Variants in FUCA2 observed in about 807,000 individuals in gnomAD.
FUCA2 encodes plasma alpha-L-fucosidase.
A neutral mutation model predicts 52.6 loss-of-function variants in FUCA2; 41 were observed. The ratio of observed to expected loss-of-function variants is 0.78; its 90% CI spans 0.61 to 1.01. The LOEUF is 1.01. Among genes scored for constraint, FUCA2 ranks in the 50% least tolerant of loss-of-function variants. FUCA2 has a pLI of 0.00. For missense variants in FUCA2, 507 were observed against 569.5 expected (o/e 0.89, Z 1.12); for synonymous variants, 211 against 217.3 (o/e 0.97, Z 0.26).
Position 143,511,460 on chromosome 6 carries a change from T to G in FUCA2, c.175A>C (p.Ile59Leu). 6.2e-7 allele frequency: 1 copy of G among 1,610,862 alleles called. No homozygotes were observed. Among genetic ancestry groups the G allele is most frequent in the Non-Finnish European group, 8.5e-7 (1 of 1,178,578 alleles). Residue 59 changes from isoleucine (I) to leucine (L), a missense_variant, in exon 1 of 7, where the codon ATC (isoleucine) becomes CTC (leucine). By Grantham distance (5) the Ile-to-Leu change is conservative. Coordinates refer to ENST00000002165, the MANE Select transcript of FUCA2 (RefSeq NM_032020.5). This position sits in a 1 kb window ranked among gnomAD's most constrained non-coding sequence, Gnocchi z 6.3. ...WFDQAKFGIF[I>L]HWGVFSVPSF... ...GGCACGGAAAACACTCCCCAGTGGA[T>G]GAAGATGCCGAACTTGGCCTGGTCA...
Position 143,511,287 on chromosome 6 carries a change from TG to T in FUCA2, c.224+123del. ...GAAGTGCGAAACGCGGGTAACGCAG[TG>T]GGAGGTGAAACCGACGAGGGTGCAG... is the stretch of plus-strand genomic sequence containing the variant. On this transcript the variant is annotated intron_variant, in intron 1 of 6. Transcript: ENST00000002165. This position sits in a 1 kb window ranked among gnomAD's most constrained non-coding sequence, Gnocchi z 6.3. 1.3e-6 allele frequency: 1 copy of T among 786,862 alleles called. No individual in the cohort carries two copies. The highest frequency in any genetic ancestry group is 2.0e-6 in the Non-Finnish European group (1 of 512,466). The allele number at this position is 786,862 out of a possible 1,614,324, so 48.7% of individuals were successfully genotyped here.
Position 143,510,375 on chromosome 6 carries a change from T to C in FUCA2, c.224+1036A>G, listed in dbSNP as rs1191706469. On this transcript the variant is annotated intron_variant, in intron 1 of 6. Coordinates refer to ENST00000002165, the MANE Select transcript of FUCA2 (RefSeq NM_032020.5). The surrounding 1 kb of genome is among the most constrained non-coding windows in gnomAD (Gnocchi z 4.4). The stretch of plus-strand genomic sequence containing the variant: ...CTTTTACTTAAGAATATATTATGTG[T>C]CCCAAAGTCCTGGAATTACAGGTAT... 6.6e-6 allele frequency among the ~76,000 whole-genome samples: 1 copy of C among 152,072 alleles called. No individual in the cohort carries two copies. The highest frequency in any genetic ancestry group is 1.9e-4 in the East Asian group (1 of 5,198).
Position 143,504,424 on chromosome 6 carries a change from A to T in FUCA2, c.413-172T>A, listed in dbSNP as rs747280679. ...ATAGCATATATTGTGCTTTTATATGAGAAGTGAGAATTTAAACAAGGTGAG... is the reference window on the plus strand; with the variant it reads ...ATAGCATATATTGTGCTTTTATATGTGAAGTGAGAATTTAAACAAGGTGAG... On this transcript the variant is annotated intron_variant, in intron 2 of 6. Coordinates refer to ENST00000002165, the MANE Select transcript of FUCA2 (RefSeq NM_032020.5). This position sits in a 1 kb window ranked among gnomAD's most constrained non-coding sequence, Gnocchi z 4.4. 4.9e-6 allele frequency: 3 copies of T among 616,714 alleles called. No individual in the cohort carries two copies. The highest frequency in any genetic ancestry group is 8.3e-6 in the Non-Finnish European group (3 of 359,386). The allele number at this position is 616,714 out of a possible 1,614,324, so 38.2% of individuals were successfully genotyped here.
chr6:143,511,030 A>C lies in FUCA2; in HGVS notation c.224+381T>G, dbSNP rs1257088765. Among the ~76,000 whole-genome samples, 1 of 152,226 alleles carries C rather than the reference A, an allele frequency of 6.6e-6. No individual in the cohort carries two copies. The highest frequency in any genetic ancestry group is 2.4e-5 in the African/African-American group (1 of 41,458). On this transcript the variant is annotated intron_variant, in intron 1 of 6. Coordinates refer to ENST00000002165, the MANE Select transcript of FUCA2 (RefSeq NM_032020.5). The surrounding 1 kb of genome is among the most constrained non-coding windows in gnomAD (Gnocchi z 6.3). ...ACTGTAAATTGGCAGGTAGCAGCAG[A>C]GCAACCATAGGCCATTGTGCCTGAG... is the stretch of plus-strand genomic sequence containing the variant.
rs1780477186 is a variant in FUCA2, at chr6:143,497,674, G to C, written c.1155-177C>G. Among the ~76,000 whole-genome samples the C allele has an allele frequency of 1.3e-5, 2 of 152,142 alleles. No individual in the cohort carries two copies. The highest frequency in any genetic ancestry group is 2.9e-5 in the Non-Finnish European group (2 of 68,040). ...ATAAAAAAACACCTTCCTCCCCCAA[G>C]ACCAAAAGGAAGTTCTTGGAAGACA... is the stretch of plus-strand genomic sequence containing the variant. On this transcript the variant is annotated intron_variant, in intron 5 of 6. Transcript: ENST00000002165. This position sits in a 1 kb window ranked among gnomAD's most constrained non-coding sequence, Gnocchi z 5.3.
chr6:143,507,143 G>T lies in FUCA2; in HGVS notation c.412+94C>A. On this transcript the variant is annotated intron_variant, in intron 2 of 6. Coordinates refer to ENST00000002165, the MANE Select transcript of FUCA2 (RefSeq NM_032020.5). This position sits in a 1 kb window ranked among gnomAD's most constrained non-coding sequence, Gnocchi z 4.5. ...TCACCACTTATGGTTGCTCCGAAGA[G>T]AAAATTAGACCTTGCTTTAGTTTTT... 8.1e-7 allele frequency: 1 copy of T among 1,236,918 alleles called. No homozygotes were observed. Among genetic ancestry groups the T allele is most frequent in the Non-Finnish European group, 1.1e-6 (1 of 886,732 alleles). 76.6% of individuals were successfully genotyped at this position (1,236,918 alleles called of 1,614,324 possible).
At position 143,507,208 on chromosome 6, in the gene FUCA2, A is replaced by C; in HGVS notation, c.412+29T>G. The C allele has an allele frequency of 6.5e-7, 1 of 1,544,296 alleles. No individual in the cohort carries two copies. The highest frequency in any genetic ancestry group is 8.7e-7 in the Non-Finnish European group (1 of 1,151,454). The stretch of plus-strand genomic sequence containing the variant: ...AACTTTTCATTTCTTAACCATTGTC[A>C]GCAATTTCCATAGGCTGGATTGACT... On this transcript the variant is annotated intron_variant, in intron 2 of 6. Coordinates refer to ENST00000002165, the MANE Select transcript of FUCA2 (RefSeq NM_032020.5). This position sits in a 1 kb window ranked among gnomAD's most constrained non-coding sequence, Gnocchi z 4.5.
At chr6:143,506,181 C>G (rs1040953508) in intron 2 of FUCA2, 14 of 144,126 alleles carry the variant, frequency 9.7e-5, no homozygotes, top group African/African-American at 7.8e-5. Context: ...AACAATAAGG[C>G]AAAGTTTCCC....
Position 143,509,623 on chromosome 6 carries a change from T to C in FUCA2, c.224+1788A>G, listed in dbSNP as rs1780657353. ...ATACAATTTAGGGGGAAGAAAGTTG[T>C]TAATTATGTACCACACTAATCTAAA... On this transcript the variant is annotated intron_variant, in intron 1 of 6. Transcript: ENST00000002165. This position sits in a 1 kb window ranked among gnomAD's most constrained non-coding sequence, Gnocchi z 5.4. Among the ~76,000 whole-genome samples, 1 of 152,230 alleles carries C rather than the reference T, an allele frequency of 6.6e-6. No individual in the cohort carries two copies.
Position 143,497,429 on chromosome 6 carries a change from A to G in FUCA2, c.1223T>C (p.Leu408Pro). 1 of 1,613,988 alleles carries G rather than the reference A, an allele frequency of 6.2e-7. No individual in the cohort carries two copies. The highest frequency in any genetic ancestry group is 8.5e-7 in the Non-Finnish European group (1 of 1,179,854). ...IFLKWPTSGQ[L>P]FLGHPKAILG... ...AATAGCTTTGGGATGGCCAAGGAAC[A>G]GCTGTCCTGATGTGGGCCATTTAAG... is the stretch of plus-strand genomic sequence containing the variant. The change falls in exon 6 of 7, where the codon CTG (leucine) becomes CCG (proline). Residue 408 changes from leucine (L) to proline (P), a missense_variant. By Grantham distance (98) the Leu-to-Pro change is moderately conservative. Transcript: ENST00000002165. This position sits in a 1 kb window ranked among gnomAD's most constrained non-coding sequence, Gnocchi z 5.3.
At position 143,502,280 on chromosome 6, in the gene FUCA2, C is replaced by T; in HGVS notation, c.963+75G>A. 1 of 1,462,320 alleles carries T rather than the reference C, an allele frequency of 6.8e-7. No homozygotes were observed. Among genetic ancestry groups the T allele is most frequent in the Non-Finnish European group, 9.4e-7 (1 of 1,062,450 alleles). The allele number at this position is 1,462,320 out of a possible 1,614,324, so 90.6% of individuals were successfully genotyped here. On this transcript the variant is annotated intron_variant, in intron 4 of 6. Transcript: ENST00000002165. This position sits in a 1 kb window ranked among gnomAD's most constrained non-coding sequence, Gnocchi z 4.1. Reference sequence around the variant, plus strand: ...GTCCTATATTTATAGGCCATTGAGCCATAGAAGAAATAATTCCTACATGAC... The same window carrying T: ...GTCCTATATTTATAGGCCATTGAGCTATAGAAGAAATAATTCCTACATGAC...
rs1780674597 is a variant in FUCA2 at position 143,510,972 on chromosome 6, A to C, written c.224+439T>G. Reference sequence around the variant, plus strand: ...TGAACAGTCGTTTCACATACTCATGACTATGTTTTAACCATAACTTCATGG... The same window carrying C: ...TGAACAGTCGTTTCACATACTCATGCCTATGTTTTAACCATAACTTCATGG... On this transcript the variant is annotated intron_variant, in intron 1 of 6. Transcript: ENST00000002165. This position sits in a 1 kb window ranked among gnomAD's most constrained non-coding sequence, Gnocchi z 4.4. Among the ~76,000 whole-genome samples, 1 of 152,194 alleles carries C rather than the reference A, an allele frequency of 6.6e-6. No individual in the cohort carries two copies. The highest frequency in any genetic ancestry group is 2.4e-5 in the African/African-American group (1 of 41,442).
At position 143,501,584 on chromosome 6, in the gene FUCA2, T is replaced by C. The variant is rs905795474; in HGVS notation, c.1154+348A>G. Among the ~76,000 whole-genome samples the C allele has an allele frequency of 6.6e-6, 1 of 152,206 alleles. No individual in the cohort carries two copies. The highest frequency in any genetic ancestry group is 1.5e-5 in the Non-Finnish European group (1 of 68,038). On this transcript the variant is annotated intron_variant, in intron 5 of 6. Transcript: ENST00000002165. This position sits in a 1 kb window ranked among gnomAD's most constrained non-coding sequence, Gnocchi z 6.1. ...TGCAACATCTGCAAAAGTCAGAATT[T>C]ACCGAACTGGTTAAACAGTAATCTC...
At position 143,509,079 on chromosome 6, in the gene FUCA2, G is replaced by T. The variant is rs1319215897; in HGVS notation, c.225-1655C>A. 2.0e-5 allele frequency among the ~76,000 whole-genome samples: 3 copies of T among 152,256 alleles called. No homozygotes were observed. In the East Asian group the frequency reaches 5.8e-4, roughly 29 times the overall value. Reference sequence around the variant, plus strand: ...TGCAAAAGAGAAACTGGGACATTCAGAAAGTTGAACAAGAATAAGGAATTT... The same window carrying T: ...TGCAAAAGAGAAACTGGGACATTCATAAAGTTGAACAAGAATAAGGAATTT... On this transcript the variant is annotated intron_variant, in intron 1 of 6. Coordinates refer to ENST00000002165, the MANE Select transcript of FUCA2 (RefSeq NM_032020.5). The surrounding 1 kb of genome is among the most constrained non-coding windows in gnomAD (Gnocchi z 5.4).
chr6:143,508,029 G>A (rs1039210392), intron 1 of FUCA2, among the ~76,000 whole-genome samples: 4 of 152,128 alleles, frequency 2.6e-5, no homozygotes, highest in Non-Finnish European at 4.4e-5. Flanking sequence ...TTTACACATT[G>A]TCCCTTGTAA....
In FUCA2 at chr6:143,502,422, T is replaced by C; in HGVS notation, c.896A>G (p.Lys299Arg). The stretch of plus-strand genomic sequence containing the variant: ...TTCCCTCCTATAGCCCCAGGACAGT[T>C]TGTCTATTGTCATGCAGTTTTCCCA... ...HKWENCMTIDKLSWGYRREAG... is the reference protein window; with the variant it reads ...HKWENCMTIDRLSWGYRREAG... Residue 299 changes from lysine to arginine, a missense_variant, in exon 4 of 7, where the codon AAA (lysine) becomes AGA (arginine). Physicochemically the swap from Lys to Arg is conservative, Grantham distance 26 (BLOSUM62 2). Transcript: ENST00000002165. This position sits in a 1 kb window ranked among gnomAD's most constrained non-coding sequence, Gnocchi z 4.1. 1.2e-6 allele frequency: 2 copies of C among 1,614,104 alleles called. No individual in the cohort carries two copies.
At chr6:143,498,835 A>G (rs1269620740) in intron 5 of FUCA2, among the ~76,000 whole-genome samples, 1 of 152,194 alleles carries the variant, frequency 6.6e-6, no homozygotes, top group Non-Finnish European at 1.5e-5. Context: ...AAGCTACTGA[A>G]ATAATCCAGG....
rs940480172 is a variant in FUCA2 at position 143,501,954 on chromosome 6, C to T, written c.1132G>A (p.Asp378Asn). ...YETHTWRSQNDTVTPDVWYTS... is the reference protein window; with the variant it reads ...YETHTWRSQNNTVTPDVWYTS... Reference sequence around the variant, plus strand: ...TACCACACATCTGGGGTGACAGTGTCATTCTGGGATCGCCAGGTATGGGTT... The same window carrying T: ...TACCACACATCTGGGGTGACAGTGTTATTCTGGGATCGCCAGGTATGGGTT... The change falls in exon 5 of 7, where the codon GAC (aspartate) becomes AAC (asparagine). Residue 378 changes from aspartate to asparagine, a missense_variant. Physicochemically the swap from Asp to Asn is conservative, Grantham distance 23 (BLOSUM62 1). Transcript: ENST00000002165. The surrounding 1 kb of genome is among the most constrained non-coding windows in gnomAD (Gnocchi z 6.1). 1 of 1,613,698 alleles carries T rather than the reference C, an allele frequency of 6.2e-7. No homozygotes were observed. Among genetic ancestry groups the T allele is most frequent in the African/African-American group, 1.3e-5 (1 of 74,984 alleles).
At position 143,502,606 on chromosome 6, in the gene FUCA2, G is replaced by C; in HGVS notation, c.753-41C>G. 1 of 1,499,888 alleles carries C rather than the reference G, an allele frequency of 6.7e-7. No homozygotes were observed. The highest frequency in any genetic ancestry group is 9.2e-7 in the Non-Finnish European group (1 of 1,092,656). The allele number at this position is 1,499,888 out of a possible 1,614,324, so 92.9% of individuals were successfully genotyped here. Reference sequence around the variant, plus strand: ...CAATTTTTTAAAACAAAAGGTATAAGCTTTTTATACAAAAAGAAATGTCAC... The same window carrying C: ...CAATTTTTTAAAACAAAAGGTATAACCTTTTTATACAAAAAGAAATGTCAC... On this transcript the variant is annotated intron_variant, in intron 3 of 6. Coordinates refer to ENST00000002165, the MANE Select transcript of FUCA2 (RefSeq NM_032020.5). This position sits in a 1 kb window ranked among gnomAD's most constrained non-coding sequence, Gnocchi z 4.1.
Sources: allele counts gnomAD v4.1 joint callset (sites outside exome capture counted in the v4.1 genomes callset), GRCh38; gene constraint gnomAD v4.1.1; non-coding constraint Gnocchi (gnomAD v3.1); transcripts MANE v1.5; gene names NCBI Gene and HGNC (gene_info 2026-07-23, HGNC 2026-07-21).